ADGB: variants seen among roughly 807,000 people sequenced by gnomAD.
ADGB encodes the protein androglobin.
ADGB carries 172 observed loss-of-function variants against 210.5 expected under a neutral mutation model. The observed-to-expected ratio is 0.82, with a 90% CI of 0.72 to 0.93. The LOEUF is 0.93. Ranked by LOEUF, ADGB falls within the 40% of genes least tolerant of loss-of-function variation. ADGB has a pLI of 0.00. For missense variants in ADGB, 2,025 were observed against 1,964.8 expected, an observed-to-expected ratio of 1.03 and a Z score of -0.58; for synonymous variants, 658 against 662.7, an observed-to-expected ratio of 0.99 and a Z score of 0.11.
Position 146,814,353 on chromosome 6 carries a change from G to A in ADGB, c.4819-679G>A, listed in dbSNP as rs373633203. The stretch of plus-strand genomic sequence containing the variant: ...ATTAATTTGGCCACTTCCCTTTTAA[G>A]AGACGAAGGAGAAAAGGAGAAATCA... On this transcript the variant is annotated intron_variant, in intron 35 of 35. Transcript: ENST00000397944. 8.5e-5 allele frequency among the ~76,000 whole-genome samples: 13 copies of A among 152,170 alleles called. 1 individual carries two copies.
At chr6:146,672,604 G>A in intron 8 of ADGB, 137 bp downstream of exon 8, 1 of 1,036,060 alleles carries the variant, frequency 9.7e-7, no homozygotes, top group Non-Finnish European at 1.3e-6. Context: ...CACACAGTAG[G>A]GAATTCAAGG....
chr6:146,744,081 C>T (rs1414185624), intron 25 of ADGB, among the ~76,000 whole-genome samples: 5 of 152,040 alleles, frequency 3.3e-5, no homozygotes, highest in African/African-American at 1.2e-4. Context: ...AAATGTGGTT[C>T]CCAGAACTGA....
At chr6:146,804,479 T>C (rs1177484837) in intron 35 of ADGB, among the ~76,000 whole-genome samples, 1 of 152,084 alleles carries the variant, frequency 6.6e-6, no homozygotes, top group Non-Finnish European at 1.5e-5. Flanking sequence ...AGCGCAAATA[T>C]GTCACCCCAC....
chr6:146,616,991 G>A (rs1780811531), intron 1 of ADGB, among the ~76,000 whole-genome samples: 1 of 152,048 alleles, frequency 6.6e-6, no homozygotes, highest in African/African-American at 2.4e-5. Context: ...GAATGGCATT[G>A]GTATTTTGGA....
rs368498476 is a variant in ADGB, at chr6:146,688,100, T to C, written c.1311+2272T>C. Reference sequence around the variant, plus strand: ...TAAACAATATGCTATCTTCTGAAGATACAATGATAAGCAAGATTGACAAAG... The same window carrying C: ...TAAACAATATGCTATCTTCTGAAGACACAATGATAAGCAAGATTGACAAAG... On this transcript the variant is annotated intron_variant, in intron 10 of 35. Transcript: ENST00000397944. Among the ~76,000 whole-genome samples the C allele has an allele frequency of 5.8e-4, 89 of 152,238 alleles. 2 individuals are homozygous for C. The South Asian group carries it at 0.018, about 31-fold the overall frequency.
At chr6:146,673,291 G>A (rs752739421) in intron 8 of ADGB, among the ~76,000 whole-genome samples, 5 of 152,078 alleles carry the variant, frequency 3.3e-5, no homozygotes, top group South Asian at 4.1e-4. Context: ...TGCAGGTATC[G>A]TTAGGCTGTA....
chr6:146,801,113 T>C (rs1249431807), intron 33 of ADGB, 70 bp from the exon 34 acceptor site: 1 of 729,300 alleles, frequency 1.4e-6, no homozygotes, highest in South Asian at 3.0e-5. Flanking sequence ...AAATGAGATA[T>C]AGTCATTTGG....
At chr6:146,773,610 T>C (rs1336727914) in intron 29 of ADGB, among the ~76,000 whole-genome samples, 1 of 152,196 alleles carries the variant, frequency 6.6e-6, no homozygotes, top group Non-Finnish European at 1.5e-5. Flanking sequence ...GTTATTACCA[T>C]CCCAGTTTTA....
intron 14 of ADGB, 73 bp from the exon 15 acceptor site, chr6:146,716,810 C>CTT: frequency 7.3e-7 from 1 of 1,363,800 alleles, no homozygotes; most frequent in Non-Finnish European, 9.8e-7. Flanking sequence ...TTAAGTTTCC[C>CTT]TTTATCATTT....
Position 146,664,282 on chromosome 6 carries a change from G to A in ADGB, c.694G>A (p.Glu232Lys). 6.5e-7 allele frequency: 1 copy of A among 1,549,946 alleles called. No individual in the cohort carries two copies. Among genetic ancestry groups the A allele is most frequent in the African/African-American group, 1.4e-5 (1 of 73,048 alleles). Residue 232 changes from glutamate to lysine, a missense_variant, in exon 6 of 36, where the codon GAA becomes AAA. Coordinates refer to ENST00000397944, the MANE Select transcript of ADGB (RefSeq NM_024694.4). ...TCTATTGCTTCCAGCTACAACTTAT[G>A]AATTTGAACTGTGGCCAATGCTTTT... ...NNLLLPATTY[E>K]FELWPMLLSK...
chr6:146,637,464 C>T (rs1775441118), intron 2 of ADGB, among the ~76,000 whole-genome samples: 1 of 152,030 alleles, frequency 6.6e-6, no homozygotes, highest in Admixed American at 6.6e-5. Context: ...GAATAAACAG[C>T]AGCAGCTTGA....
chr6:146,793,763 TC>T (rs1406880474), intron 33 of ADGB, among the ~76,000 whole-genome samples: 1 of 152,190 alleles, frequency 6.6e-6, no homozygotes, highest in Non-Finnish European at 1.5e-5. Context: ...AGAAGCCTTT[TC>T]CTGTAAATGC....
At chr6:146,694,709 G>A (rs969938690) in intron 12 of ADGB, among the ~76,000 whole-genome samples, 1 of 151,970 alleles carries the variant, frequency 6.6e-6, no homozygotes, top group Non-Finnish European at 1.5e-5. Flanking sequence ...TCAAATATTT[G>A]ACAACAATTA....
At chr6:146,782,516 T>C (rs1317687896) in intron 30 of ADGB, among the ~76,000 whole-genome samples, 1 of 152,188 alleles carries the variant, frequency 6.6e-6, no homozygotes, top group Non-Finnish European at 1.5e-5. Context: ...CTGAGAATTA[T>C]AATGTTGAAT....
chr6:146,661,220 C>CTTTT (rs5880682), intron 5 of ADGB, among the ~76,000 whole-genome samples: 2 of 116,068 alleles, frequency 1.7e-5, no homozygotes, highest in Non-Finnish European at 3.4e-5. Flanking sequence ...TTCTTTTTTT[C>CTTTT]TTTTTTTTTT....
intron 9 of ADGB, among the ~76,000 whole-genome samples, chr6:146,678,391 T>C (rs1776112604): frequency 6.6e-6 from 1 of 152,138 alleles, no homozygotes; most frequent in Non-Finnish European, 1.5e-5. Context: ...TACACTTGGC[T>C]AATTCTTGTA....
chr6:146,715,922 G>C (rs1727240135), intron 14 of ADGB, among the ~76,000 whole-genome samples: 1 of 151,680 alleles, frequency 6.6e-6, no homozygotes, highest in Admixed American at 6.6e-5. Flanking sequence ...ATAAAAATTA[G>C]CAGGGCATGG....
At chr6:146,787,583 T>C (rs960629331) in intron 32 of ADGB, among the ~76,000 whole-genome samples, 6 of 152,160 alleles carry the variant, frequency 3.9e-5, no homozygotes, top group Non-Finnish European at 5.9e-5. Context: ...TAATAATATT[T>C]TTAGGGAATC....
At chr6:146,701,230 G>A (rs1431298328) in intron 13 of ADGB, among the ~76,000 whole-genome samples, 160 bp downstream of exon 13, 2 of 152,026 alleles carry the variant, frequency 1.3e-5, no homozygotes, top group East Asian at 3.9e-4. Flanking sequence ...TATCACCTAG[G>A]TTAGAAAATA....
Sources: gnomAD v4.1 joint callset for allele counts (sites outside exome capture counted in the v4.1 genomes callset) on GRCh38, gnomAD v4.1.1 for gene constraint, MANE v1.5 for transcripts, NCBI Gene and HGNC (gene_info 2026-07-23, HGNC 2026-07-21) for gene names.